The following PXDN variants were observed in gnomAD, a reference collection of about 807,000 sequenced individuals.
The protein encoded by PXDN is peroxidasin.
In PXDN, 77 loss-of-function variants were observed where a neutral mutation model predicts 140.3. The observed-to-expected ratio is 0.55, with a 90% confidence interval of 0.46 to 0.66. The LOEUF (loss-of-function observed/expected upper bound fraction) is 0.66. Among genes scored for constraint, PXDN ranks in the 30% least tolerant of loss-of-function variants. PXDN has a pLI of 0.00. For missense variants in PXDN, 1,838 were observed against 2,039.5 expected, an observed-to-expected ratio of 0.90 and a Z score of 1.90; for synonymous variants, 911 against 857.4, an observed-to-expected ratio of 1.06 and a Z score of -1.09.
intron 13 of PXDN, 103 bp from the exon 14 acceptor site, chr2:1,661,140 A>G: frequency 7.3e-7 from 1 of 1,372,636 alleles, no homozygotes. Context: ...GGATTTGCAA[A>G]TGGAGAAGCT....
chr2:1,744,265 G>T lies in PXDN; in HGVS notation c.191C>A (p.Thr64Asn). The change falls in exon 1 of 23, where the codon ACC (threonine) becomes AAC (asparagine). Residue 64 changes from threonine to asparagine, a missense_variant. This residue lies in a region of PXDN where 231 missense variants were observed against 201.5 expected (regional missense o/e 1.15). Transcript: ENST00000252804. Reference protein sequence around the residue: ...LEAVPAVAPQTSILDLRFNRI... With the variant: ...LEAVPAVAPQNSILDLRFNRI... ...CCCCCGCGGCACTCACAGGATGGAG[G>T]TCTGCGGCGCCACGGCGGGCACGGC... 6.6e-7 allele frequency: 1 copy of T among 1,517,190 alleles called. No individual in the cohort carries two copies. Among genetic ancestry groups the T allele is most frequent in the Non-Finnish European group, 8.8e-7 (1 of 1,138,678 alleles). 94.0% of individuals were successfully genotyped at this position (1,517,190 alleles called of 1,614,324 possible).
At chr2:1,664,485 T>C (rs1235765879) in intron 11 of PXDN, 1 of 160,080 alleles carries the variant, frequency 6.2e-6, no homozygotes, top group Non-Finnish European at 1.4e-5. Flanking sequence ...AGGCAAAGAA[T>C]GTGATGAAAG....
Position 1,648,190 on chromosome 2 carries a change from A to C in PXDN, c.3590T>G (p.Ile1197Ser). The C allele has an allele frequency of 6.2e-7, 1 of 1,611,758 alleles. No individual in the cohort carries two copies. Among genetic ancestry groups the C allele is most frequent in the Non-Finnish European group, 8.5e-7 (1 of 1,178,196 alleles). The change falls in exon 17 of 23, where the codon ATC (isoleucine) becomes AGC (serine). Residue 1197 changes from isoleucine to serine, a missense_variant. Transcript: ENST00000252804. The surrounding 1 kb of genome is among the most constrained non-coding windows in gnomAD (Gnocchi z 8.9). ...AGCTCACCTTTTCAGTTTCTCCCGG[A>C]TCTCAGGGTTTTTAATCTCATTTTT... ...DLKNEIKNPE[I>S]REKLKRLYGS...
intron 1 of PXDN, among the ~76,000 whole-genome samples, chr2:1,735,225 C>T (rs961720462): frequency 1.3e-5 from 2 of 152,186 alleles, no homozygotes; most frequent in African/African-American, 4.8e-5. Flanking sequence ...GGGTTGGAAT[C>T]AACTTCTTCT....
intron 1 of PXDN, among the ~76,000 whole-genome samples, chr2:1,742,928 C>T (rs1249531844): frequency 6.6e-6 from 1 of 152,236 alleles, no homozygotes; most frequent in Non-Finnish European, 1.5e-5. Context: ...CCGCCCACTT[C>T]CTGAATTGTT....
intron 9 of PXDN, among the ~76,000 whole-genome samples, chr2:1,667,177 G>A (rs1408829861): frequency 1.3e-5 from 2 of 152,120 alleles, no homozygotes; most frequent in Non-Finnish European, 2.9e-5. Flanking sequence ...ATAACTGAAG[G>A]AGACAGAGAC....
At position 1,733,571 on chromosome 2, in the gene PXDN, G is replaced by A. The variant is rs532201376; in HGVS notation, c.200+10685C>T. 4.0e-3 allele frequency among the ~76,000 whole-genome samples: 611 copies of A among 152,040 alleles called. 5 individuals carry two copies. Among genetic ancestry groups the A allele is most frequent in the African/African-American group, 0.014 (568 of 41,468 alleles). ...AGCATGGCCAACATGGTGAAATCCC[G>A]TTTCTACTAAAAATACAAAAATTAG... On this transcript the variant is annotated intron_variant, in intron 1 of 22. Coordinates refer to ENST00000252804, the MANE Select transcript of PXDN (RefSeq NM_012293.3).
rs373288011 is a variant in PXDN, at chr2:1,635,458, C to T, written c.4270G>A (p.Ala1424Thr). 2.3e-5 allele frequency: 37 copies of T among 1,602,568 alleles called. No individual in the cohort carries two copies. Among genetic ancestry groups the T allele is most frequent in the African/African-American group, 2.3e-4 (17 of 74,918 alleles). The change falls in exon 22 of 23, where the codon GCC becomes ACC. Residue 1424 changes from alanine to threonine, a missense_variant. By Grantham distance (58) the Ala-to-Thr change is moderately conservative (BLOSUM62 0). Coordinates refer to ENST00000252804, the MANE Select transcript of PXDN (RefSeq NM_012293.3). ...ECVDAGGESH[A>T]NNTKWKKDAC... is the part of the protein sequence containing the mutation. ...TCTTTTTTCCACTTGGTGTTGTTGG[C>T]GTGAGATTCGCCCCCGGCATCCACG...
Position 1,744,388 on chromosome 2 carries a change from C to A in PXDN, c.68G>T (p.Gly23Val), listed in dbSNP as rs571934293. 8.5e-6 allele frequency: 13 copies of A among 1,526,246 alleles called. No individual in the cohort carries two copies. The Admixed American group carries it at 2.0e-4, about 23-fold the overall frequency. 94.5% of individuals were successfully genotyped at this position (1,526,246 alleles called of 1,614,324 possible). Reference protein sequence around the residue: ...LLALVLFCAWGTLAVVAQKPG... With the variant: ...LLALVLFCAWVTLAVVAQKPG... Reference sequence around the variant, plus strand: ...CTTCTGGGCCACCACGGCCAGCGTCCCCCAGGCGCAGAACAGCACGAGCGC... The same window carrying A: ...CTTCTGGGCCACCACGGCCAGCGTCACCCAGGCGCAGAACAGCACGAGCGC... The change falls in exon 1 of 23, where the codon GGG becomes GTG. Residue 23 changes from glycine (G) to valine (V), a missense_variant. Around this residue, in one of 5 missense-constraint regions of PXDN, gnomAD observed 231 missense variants for 201.5 expected, o/e 1.15. Coordinates refer to ENST00000252804, the MANE Select transcript of PXDN (RefSeq NM_012293.3).
chr2:1,720,057 GGGA>G (rs1227961353), intron 1 of PXDN, among the ~76,000 whole-genome samples: 1 of 55,262 alleles, frequency 1.8e-5, no homozygotes, highest in African/African-American at 1.1e-4. Flanking sequence ...GAGAGAGAGA[GGGA>G]GGGAGGGATG....
intron 1 of PXDN, among the ~76,000 whole-genome samples, chr2:1,732,911 A>C (rs982316600): frequency 2.6e-5 from 4 of 152,224 alleles, no homozygotes; most frequent in African/African-American, 9.6e-5. Context: ...TTTGTTTTTA[A>C]TACCCGCATT....
chr2:1,680,573 C>T (rs921958216), intron 6 of PXDN, among the ~76,000 whole-genome samples: 2 of 152,144 alleles, frequency 1.3e-5, no homozygotes, highest in Non-Finnish European at 2.9e-5. Flanking sequence ...CCAGGAAGAG[C>T]CCAGGGGTGC....
chr2:1,692,541 A>G (rs1315209326), intron 2 of PXDN: 1 of 471,916 alleles, frequency 2.1e-6, no homozygotes, highest in South Asian at 1.5e-5. Context: ...CGTTGTGCTC[A>G]GTCCTGGTGC....
intron 3 of PXDN, among the ~76,000 whole-genome samples, chr2:1,690,562 A>G (rs1000861547): frequency 1.1e-4 from 17 of 151,086 alleles, no homozygotes; most frequent in Non-Finnish European, 2.2e-4. Context: ...ATATACACAC[A>G]CAAGGAATGC....
Position 1,648,411 on chromosome 2 carries a change from C to T in PXDN, c.3369G>A (p.Gly1123=), listed in dbSNP as rs745557192. Residue 1123 remains glycine, a synonymous_variant, in exon 17 of 23, where the codon GGG becomes GGA. Coordinates refer to ENST00000252804, the MANE Select transcript of PXDN (RefSeq NM_012293.3). The surrounding 1 kb of genome is among the most constrained non-coding windows in gnomAD (Gnocchi z 8.9). ...GIDPLLRGLF[G]VAGKMRVPSQ... is the part of the protein sequence containing the mutation. ...AGGGCACACGCATTTTCCCCGCCACCCCGAACAGCCCCCTGAGAAGCGGAT... is the reference window on the plus strand; with the variant it reads ...AGGGCACACGCATTTTCCCCGCCACTCCGAACAGCCCCCTGAGAAGCGGAT... 1.2e-6 allele frequency: 2 copies of T among 1,611,842 alleles called. No homozygotes were observed. Among genetic ancestry groups the T allele is most frequent in the Non-Finnish European group, 1.7e-6 (2 of 1,179,890 alleles).
Position 1,661,148 on chromosome 2 carries a change from G to A in PXDN, c.1681-111C>T, listed in dbSNP as rs562230371. 7.0e-6 allele frequency: 9 copies of A among 1,290,814 alleles called. No homozygotes were observed. In the East Asian group the frequency reaches 7.4e-5, roughly 11 times the overall value. The allele number at this position is 1,290,814 out of a possible 1,614,324, so 80.0% of individuals were successfully genotyped here. A position where few individuals can be genotyped will look rare whatever the true frequency, so the allele number is the denominator to read the frequency against. On this transcript the variant is annotated intron_variant, in intron 13 of 22. Coordinates refer to ENST00000252804, the MANE Select transcript of PXDN (RefSeq NM_012293.3). ...TTTGTTAGGATTTGCAAATGGAGAA[G>A]CTCCCAGGCTGCGCTCAGATCCATC...
At chr2:1,688,134 C>T (rs574094825) in intron 3 of PXDN, among the ~76,000 whole-genome samples, 34 of 152,180 alleles carry the variant, frequency 2.2e-4, no homozygotes, top group African/African-American at 7.5e-4. Context: ...ATATGAAGAC[C>T]GAATGCACCT....
chr2:1,740,906 G>A (rs984605514), intron 1 of PXDN, among the ~76,000 whole-genome samples: 8 of 152,300 alleles, frequency 5.3e-5, no homozygotes, highest in African/African-American at 9.6e-5. Context: ...TGGTTTCTCT[G>A]CAATGCGACC....
In PXDN at chr2:1,744,392, A is replaced by G; in HGVS notation, c.64T>C (p.Trp22Arg). 1 of 1,525,870 alleles carries G rather than the reference A, an allele frequency of 6.6e-7. No homozygotes were observed. Among genetic ancestry groups the G allele is most frequent in the Admixed American group, 2.0e-5 (1 of 50,616 alleles). The allele number at this position is 1,525,870 out of a possible 1,614,324, so 94.5% of individuals were successfully genotyped here. The change falls in exon 1 of 23, where the codon TGG (tryptophan) becomes CGG (arginine). Residue 22 changes from tryptophan to arginine, a missense_variant. This residue lies in a region of PXDN where 231 missense variants were observed against 201.5 expected (regional missense o/e 1.15). Coordinates refer to ENST00000252804, the MANE Select transcript of PXDN (RefSeq NM_012293.3). The stretch of plus-strand genomic sequence containing the variant: ...TGGGCCACCACGGCCAGCGTCCCCC[A>G]GGCGCAGAACAGCACGAGCGCCAAC... ...CLLALVLFCA[W>R]GTLAVVAQKP...
Sources: gnomAD v4.1 joint callset for allele counts (sites outside exome capture counted in the v4.1 genomes callset) on GRCh38, gnomAD v4.1.1 for gene constraint, gnomAD v4.1.1 regional missense constraint, Gnocchi (gnomAD v3.1) non-coding constraint, MANE v1.5 for transcripts, NCBI Gene and HGNC (gene_info 2026-07-23, HGNC 2026-07-21) for gene names.